Variants in NEB observed in about 807,000 individuals in gnomAD.
NEB encodes the protein nebulin, also known as nemaline myopathy type 2.
A neutral mutation model predicts 952.2 loss-of-function variants in NEB; 512 were observed. The ratio of observed to expected loss-of-function variants is 0.54; its 90% CI spans 0.50 to 0.58. The LOEUF is 0.58. Ranked by LOEUF, NEB falls within the 20% of genes least tolerant of loss-of-function variation. The probability of loss-of-function intolerance (pLI) is 0.00; values close to 1 mark genes in which losing one functional copy is unlikely to be tolerated. For synonymous variants in NEB, 2,900 were observed against 3,149.8 expected (o/e 0.92, Z 2.66); for missense variants, 8,428 against 9,231.1 (o/e 0.91, Z 3.56).
chr2:151,578,793 C>T (rs1292866494), intron 105 of NEB, among the ~76,000 whole-genome samples: 1 of 146,510 alleles, frequency 6.8e-6, no homozygotes, highest in Admixed American at 7.0e-5. Context: ...GAAGGAAGGG[C>T]GGGCAAGGCT....
chr2:151,514,340 T>G lies in NEB; in HGVS notation c.23105A>C (p.Asn7702Thr). The G allele has an allele frequency of 6.2e-7, 1 of 1,613,236 alleles. No homozygotes were observed. Among genetic ancestry groups the G allele is most frequent in the East Asian group, 2.2e-5 (1 of 44,876 alleles). Residue 7702 changes from asparagine to threonine, a missense_variant, in exon 159 of 182, where the codon AAT becomes ACT. Asn to Thr is a moderately conservative substitution (Grantham distance 65). Coordinates refer to ENST00000397345, the MANE Select transcript of NEB (RefSeq NM_001164508.2). ...TACCTCATTGAGGATTTGAGTGGCA[T>G]TCTTTGCTCTTAGCATGTCAGGTGT... ...EDTPDMLRAK[N>T]ATQILNEKEY...
At chr2:151,645,701 G>A (rs554335343) in intron 55 of NEB, among the ~76,000 whole-genome samples, 1 of 152,234 alleles carries the variant, frequency 6.6e-6, no homozygotes, top group Admixed American at 6.5e-5. Context: ...AGATTATGCT[G>A]CAATGATAAT....
At chr2:151,512,647 G>A in intron 161 of NEB, 86 bp downstream of exon 161, 1 of 981,544 alleles carries the variant, frequency 1.0e-6, no homozygotes, top group Non-Finnish European at 1.6e-6. Flanking sequence ...CTGATCTGAA[G>A]AATCTCTTAA....
intron 11 of NEB, 131 bp downstream of exon 11, chr2:151,710,303 C>T (rs1180906389): frequency 2.0e-6 from 1 of 508,342 alleles, no homozygotes; most frequent in African/African-American, 1.9e-5. Context: ...GAACTCTGCA[C>T]CAGGTCTTGC....
At chr2:151,610,401 G>T (rs1249500163) in intron 80 of NEB, 115 bp downstream of exon 80, 8 of 802,406 alleles carry the variant, frequency 1.0e-5, no homozygotes, top group African/African-American at 1.7e-5. Flanking sequence ...TGAGAGGTAG[G>T]AAGTAGGACT....
At chr2:151,496,918 T>C (rs2060599025) in intron 172 of NEB, 23 bp downstream of exon 172, 1 of 1,535,378 alleles carries the variant, frequency 6.5e-7, no homozygotes, top group Non-Finnish European at 8.8e-7. Context: ...GTAAGTAGTT[T>C]TTTTCTTTTC....
At chr2:151,545,287 A>G (rs1403223747) in intron 135 of NEB, among the ~76,000 whole-genome samples, 4 of 152,188 alleles carry the variant, frequency 2.6e-5, no homozygotes, top group Non-Finnish European at 5.9e-5. Flanking sequence ...TAAAATTATT[A>G]TTTCTAGGCC....
At chr2:151,687,254 G>A (rs1194353921) in intron 27 of NEB, among the ~76,000 whole-genome samples, 165 bp downstream of exon 27, 1 of 152,182 alleles carries the variant, frequency 6.6e-6, no homozygotes, top group Non-Finnish European at 1.5e-5. Context: ...AAATGTGGGA[G>A]GCACAATAAT....
At chr2:151,707,044 TG>T in intron 12 of NEB, 47 bp from the exon 13 acceptor site, 1 of 1,228,320 alleles carries the variant, frequency 8.1e-7, no homozygotes, top group Middle Eastern at 2.5e-4. Context: ...GGGTTATTTT[TG>T]CCCCCGTCTC....
At chr2:151,707,384 C>T (rs777170696) in intron 12 of NEB, among the ~76,000 whole-genome samples, 3 of 152,148 alleles carry the variant, frequency 2.0e-5, no homozygotes, top group Admixed American at 6.5e-5. Context: ...AACCTTCACT[C>T]AGCTCTCAAC....
At chr2:151,663,480 T>C in intron 45 of NEB, 68 bp downstream of exon 45, 1 of 1,433,862 alleles carries the variant, frequency 7.0e-7, no homozygotes, top group Non-Finnish European at 9.4e-7. Flanking sequence ...CAAAACGTCA[T>C]TGCTTATGGT....
At position 151,540,747 on chromosome 2, in the gene NEB, G is replaced by A; in HGVS notation, c.20737C>T (p.Gln6913Ter). ...KERPHHHAGN[Q>*]TTALKHAKDV... ...TTAGCATGCTTCAAGGCTGTGGTCTGGTTTCCAGCGTGATGATGGGGTCTC... is the reference window on the plus strand; with the variant it reads ...TTAGCATGCTTCAAGGCTGTGGTCTAGTTTCCAGCGTGATGATGGGGTCTC... The change falls in exon 137 of 182, where the codon CAG becomes TAG. Residue 6913 changes from glutamine to a stop codon, truncating the protein, a stop_gained. Coordinates refer to ENST00000397345, the MANE Select transcript of NEB (RefSeq NM_001164508.2). LOFTEE classifies it high-confidence loss of function. 1 of 1,613,626 alleles carries A rather than the reference G, an allele frequency of 6.2e-7. No individual in the cohort carries two copies. Among genetic ancestry groups the A allele is most frequent in the Non-Finnish European group, 8.5e-7 (1 of 1,179,658 alleles).
At chr2:151,553,629 A>T in intron 126 of NEB, 127 bp from the exon 127 acceptor site, 1 of 844,336 alleles carries the variant, frequency 1.2e-6, no homozygotes, top group Non-Finnish European at 1.9e-6. Flanking sequence ...TTATGCAAAG[A>T]GGCTCAGGGG....
At chr2:151,647,721 G>T (rs965305144) in intron 54 of NEB, among the ~76,000 whole-genome samples, 1 of 152,112 alleles carries the variant, frequency 6.6e-6, no homozygotes, top group Non-Finnish European at 1.5e-5. Context: ...TGTTCTTTAC[G>T]AATGTCAAAA....
chr2:151,570,750 T>C, intron 107 of NEB, 149 bp from the exon 108 acceptor site: 1 of 698,124 alleles, frequency 1.4e-6, no homozygotes, highest in Non-Finnish European at 2.5e-6. Context: ...AATCATTCTA[T>C]GCACCATTGT....
chr2:151,704,836 C>T (rs531975357), intron 13 of NEB, among the ~76,000 whole-genome samples: 22 of 152,330 alleles, frequency 1.4e-4, no homozygotes, highest in Non-Finnish European at 1.6e-4. Context: ...CGCTCGCTCA[C>T]GCTGGGAGCT....
chr2:151,663,509 A>T lies in NEB; in HGVS notation c.5763+39T>A. The T allele has an allele frequency of 1.9e-6, 3 of 1,552,704 alleles. No homozygotes were observed. The South Asian group carries it at 3.6e-5, about 19-fold the overall frequency. ...TTATGGTCACTCATGGTTGCTTATTATCCAGAGTAAACGCTCTGCAAATGT... is the reference window on the plus strand; with the variant it reads ...TTATGGTCACTCATGGTTGCTTATTTTCCAGAGTAAACGCTCTGCAAATGT... On this transcript the variant is annotated intron_variant, in intron 45 of 181. Transcript: ENST00000397345.
intron 167 of NEB, 57 bp from the exon 168 acceptor site, chr2:151,501,540 C>CTT (rs1358389628): frequency 2.0e-6 from 2 of 1,008,724 alleles, no homozygotes; most frequent in African/African-American, 1.7e-5. Flanking sequence ...TTTAGGTAGA[C>CTT]TTAACCTAAA....
In NEB at chr2:151,620,414, A is replaced by G. The variant is rs72863259; in HGVS notation, c.10560+505T>C. 6.2e-3 allele frequency among the ~76,000 whole-genome samples: 889 copies of G among 144,340 alleles called. 9 individuals are homozygous for G. The highest frequency in any genetic ancestry group is 9.6e-3 in the Admixed American group (138 of 14,424). The allele number at this position is 144,340 out of a possible 152,430, so 94.7% of individuals were successfully genotyped here. ...ATATTTAACCAGAATTTAAACATTT[A>G]AAAACCTATAAAAATGAACAATTTT... On this transcript the variant is annotated intron_variant, in intron 72 of 181. Coordinates refer to ENST00000397345, the MANE Select transcript of NEB (RefSeq NM_001164508.2).
Sources: allele counts gnomAD v4.1 joint callset (sites outside exome capture counted in the v4.1 genomes callset), GRCh38; gene constraint gnomAD v4.1.1; transcripts MANE v1.5; gene names NCBI Gene and HGNC (gene_info 2026-07-23, HGNC 2026-07-21).